Variants in CDC42BPB observed in about 807,000 individuals in gnomAD.
CDC42BPB encodes the protein serine/threonine-protein kinase MRCK beta.
In CDC42BPB, 37 loss-of-function variants were observed where a neutral mutation model predicts 214.9. The observed-to-expected ratio is 0.17, with a 90% CI of 0.13 to 0.23. The LOEUF (loss-of-function observed/expected upper bound fraction) is 0.23. Among genes scored for constraint, CDC42BPB ranks in the 10% least tolerant of loss-of-function variants. CDC42BPB has a pLI of 1.00. For missense variants in CDC42BPB, 1,694 were observed against 2,227.0 expected (o/e 0.76, Z 4.82); for synonymous variants, 931 against 884.0 (o/e 1.05, Z -0.94).
At chr14:102,991,688 A>G (rs559568020) in intron 5 of CDC42BPB, among the ~76,000 whole-genome samples, 1 of 152,312 alleles carries the variant, frequency 6.6e-6, no homozygotes, top group Admixed American at 6.5e-5. Flanking sequence ...ATATAATAGG[A>G]GCCAAAATAT....
At chr14:103,036,277 C>T (rs922607627) in intron 1 of CDC42BPB, among the ~76,000 whole-genome samples, 2 of 151,528 alleles carry the variant, frequency 1.3e-5, no homozygotes, top group African/African-American at 4.9e-5. Context: ...CTCAGCCTCC[C>T]GAGTAGCTGG....
intron 2 of CDC42BPB, among the ~76,000 whole-genome samples, 164 bp downstream of exon 2, chr14:103,011,933 T>C (rs769062925): frequency 1.3e-5 from 2 of 152,070 alleles, no homozygotes; most frequent in Non-Finnish European, 2.9e-5. Flanking sequence ...CTGGGCAACA[T>C]GGTGAGACCT....
At position 102,967,029 on chromosome 14, in the gene CDC42BPB, T is replaced by C. The variant is rs754570645; in HGVS notation, c.2471+17A>G. On this transcript the variant is annotated intron_variant, in intron 17 of 36. Transcript: ENST00000361246. ...CAGGGAGCGGATTCACGGCCGCTAA[T>C]GGGGCCGCGCACGTACCACTGAATG... is the stretch of plus-strand genomic sequence containing the variant. The C allele has an allele frequency of 9.3e-6, 15 of 1,611,230 alleles. No individual in the cohort carries two copies. In the Admixed American group the frequency reaches 1.0e-4, roughly 11 times the overall value.
In CDC42BPB at chr14:103,004,613, A is replaced by T. The variant is rs998960654; in HGVS notation, c.352-590T>A. Among the ~76,000 whole-genome samples, 1 of 152,220 alleles carries T rather than the reference A, an allele frequency of 6.6e-6. No individual in the cohort carries two copies. The highest frequency in any genetic ancestry group is 2.4e-5 in the African/African-American group (1 of 41,466). On this transcript the variant is annotated intron_variant, in intron 3 of 36. Coordinates refer to ENST00000361246, the MANE Select transcript of CDC42BPB (RefSeq NM_006035.4). The surrounding 1 kb of genome is among the most constrained non-coding windows in gnomAD (Gnocchi z 5.3). ...AATGCCCAGGTGGCATCTCCGTTTA[A>T]AAGTCACCAGGCCTGGCCGAGCACG...
intron 1 of CDC42BPB, among the ~76,000 whole-genome samples, chr14:103,031,583 T>C (rs1011214250): frequency 3.3e-5 from 5 of 152,166 alleles, no homozygotes; most frequent in African/African-American, 9.7e-5. Flanking sequence ...ATTATGAAAA[T>C]TGTACTTTTC....
At chr14:103,034,069 G>A (rs1887535307) in intron 1 of CDC42BPB, among the ~76,000 whole-genome samples, 1 of 152,200 alleles carries the variant, frequency 6.6e-6, no homozygotes, top group Non-Finnish European at 1.5e-5. Flanking sequence ...GATTGATACA[G>A]GCCCTTTGGA....
chr14:102,980,720 C>T (rs1893959084), intron 8 of CDC42BPB, 53 bp downstream of exon 8: 1 of 1,567,122 alleles, frequency 6.4e-7, no homozygotes, highest in Non-Finnish European at 8.8e-7. Flanking sequence ...CAACACAGCA[C>T]TGCATGTCAG....
At chr14:102,958,401 A>G (rs563697157) in intron 21 of CDC42BPB, among the ~76,000 whole-genome samples, 28 of 152,166 alleles carry the variant, frequency 1.8e-4, no homozygotes, top group Non-Finnish European at 3.8e-4. Flanking sequence ...CATGCACCCT[A>G]TTCTTCCCAC....
chr14:103,025,690 T>C (rs1887012447), intron 1 of CDC42BPB, among the ~76,000 whole-genome samples: 1 of 151,164 alleles, frequency 6.6e-6, no homozygotes, highest in African/African-American at 2.4e-5. Context: ...TGGTGGCACA[T>C]GCCTATAGTC....
At chr14:102,963,842 A>C (rs1447166725) in intron 19 of CDC42BPB, among the ~76,000 whole-genome samples, 4 of 152,240 alleles carry the variant, frequency 2.6e-5, no homozygotes, top group East Asian at 1.9e-4. Flanking sequence ...TTTTAGCCCC[A>C]AACTAACAGG....
intron 36 of CDC42BPB, among the ~76,000 whole-genome samples, chr14:102,934,400 A>G (rs1038084788): frequency 1.6e-4 from 24 of 152,132 alleles, no homozygotes; most frequent in African/African-American, 5.8e-4. Context: ...CGGGCGTGGC[A>G]GCATGCACCT....
intron 36 of CDC42BPB, among the ~76,000 whole-genome samples, chr14:102,935,929 C>A (rs867785592): frequency 2.0e-5 from 3 of 152,092 alleles, no homozygotes; most frequent in South Asian, 2.1e-4. Context: ...CCACCCATTT[C>A]AAAAATGGGT....
At chr14:102,977,967 A>T (rs1893832747) in intron 9 of CDC42BPB, among the ~76,000 whole-genome samples, 159 bp downstream of exon 9, 1 of 152,344 alleles carries the variant, frequency 6.6e-6, no homozygotes, top group Non-Finnish European at 1.5e-5. Flanking sequence ...TCAGGTGTGC[A>T]TATTTTAAGA....
At chr14:103,056,964 G>A (rs1004629522) in intron 1 of CDC42BPB, 35 bp downstream of exon 1, 73 of 1,327,586 alleles carry the variant, frequency 5.5e-5, no homozygotes, top group Non-Finnish European at 6.6e-5. Context: ...GGGGGTCGCA[G>A]AGCCGCAGGT....
chr14:102,990,194 T>C (rs1284375508), intron 5 of CDC42BPB, among the ~76,000 whole-genome samples: 1 of 152,122 alleles, frequency 6.6e-6, no homozygotes, highest in East Asian at 1.9e-4. Flanking sequence ...AACCAATGAA[T>C]CCAACTGTAT....
At chr14:102,955,096 T>C (rs1892655335) in intron 21 of CDC42BPB, among the ~76,000 whole-genome samples, 1 of 152,206 alleles carries the variant, frequency 6.6e-6, no homozygotes, top group Admixed American at 6.5e-5. Context: ...CCTTTATTCA[T>C]AAGTAATGTT....
At chr14:103,041,201 A>G (rs1356149042) in intron 1 of CDC42BPB, among the ~76,000 whole-genome samples, 1 of 152,250 alleles carries the variant, frequency 6.6e-6, no homozygotes, top group East Asian at 1.9e-4. Context: ...TTCGACAAAC[A>G]TTGTTGGAAC....
At chr14:103,014,023 G>A (rs1309990480) in intron 1 of CDC42BPB, among the ~76,000 whole-genome samples, 2 of 152,250 alleles carry the variant, frequency 1.3e-5, no homozygotes, top group Admixed American at 6.5e-5. Flanking sequence ...AAATTTAGCT[G>A]GGCGTGGTGG....
At chr14:103,012,755 A>G (rs1213088334) in intron 1 of CDC42BPB, among the ~76,000 whole-genome samples, 1 of 152,246 alleles carries the variant, frequency 6.6e-6, no homozygotes, top group Non-Finnish European at 1.5e-5. Flanking sequence ...CAATGAGCCA[A>G]GATCGTGCCA....
Sources: allele counts gnomAD v4.1 joint callset (sites outside exome capture counted in the v4.1 genomes callset), GRCh38; gene constraint gnomAD v4.1.1; non-coding constraint Gnocchi (gnomAD v3.1); transcripts MANE v1.5; gene names NCBI Gene and HGNC (gene_info 2026-07-23, HGNC 2026-07-21).